CSMD1: variants seen among roughly 807,000 people sequenced by gnomAD.
CSMD1 encodes CUB and sushi domain-containing protein 1.
A neutral mutation model predicts 417.5 loss-of-function variants in CSMD1; 213 were observed. That is an observed-to-expected ratio of 0.51 (90% confidence interval 0.46 to 0.57). CSMD1 has a LOEUF of 0.57. Among genes scored for constraint, CSMD1 ranks in the 20% least tolerant of loss-of-function variants. The pLI, the probability that CSMD1 is intolerant of heterozygous loss-of-function variation, is 0.00. For missense variants in CSMD1, 6,923 were observed against 4,529.7 expected (o/e 1.53, Z -15.17); for synonymous variants, 2,862 against 1,736.8 (o/e 1.65, Z -16.11).
intron 44 of CSMD1, 121 bp from the exon 45 acceptor site, chr8:3,107,919 C>T: frequency 1.6e-6 from 1 of 623,040 alleles, no homozygotes; most frequent in South Asian, 2.1e-5. Flanking sequence ...TGAAATGTCT[C>T]TATTCCTGAA....
intron 5 of CSMD1, among the ~76,000 whole-genome samples, chr8:3,938,406 A>C (rs1810648869): frequency 6.6e-6 from 1 of 152,172 alleles, no homozygotes; most frequent in South Asian, 2.1e-4. Context: ...GCTAGTTTTG[A>C]TTTGGGCTTC....
At chr8:3,110,436 G>C (rs1168653886) in intron 42 of CSMD1, 101 bp from the exon 43 acceptor site, 1 of 967,316 alleles carries the variant, frequency 1.0e-6, no homozygotes, top group Non-Finnish European at 1.4e-6. Context: ...CATTTTTCCT[G>C]ATGGGAAATA....
chr8:3,253,389 A>C (rs1393973315), intron 26 of CSMD1, among the ~76,000 whole-genome samples: 1 of 152,124 alleles, frequency 6.6e-6, no homozygotes, highest in Non-Finnish European at 1.5e-5. Context: ...CTGTGGTCTG[A>C]GAGACAGTTT....
intron 15 of CSMD1, among the ~76,000 whole-genome samples, chr8:3,405,622 C>G (rs1230531563): frequency 6.6e-6 from 1 of 152,052 alleles, no homozygotes; most frequent in Admixed American, 6.6e-5. Flanking sequence ...GAAGGGGACC[C>G]CCAATCCAAT....
Position 3,199,873 on chromosome 8 carries a change from G to T in CSMD1, c.5099-64C>A. 3.3e-6 allele frequency: 3 copies of T among 923,020 alleles called. No homozygotes were observed. In the South Asian group the frequency reaches 4.9e-5, roughly 15 times the overall value. The allele number at this position is 923,020 out of a possible 1,614,324, so 57.2% of individuals were successfully genotyped here. A position where few individuals can be genotyped will look rare whatever the true frequency, so the allele number is the denominator to read the frequency against. On this transcript the variant is annotated intron_variant, in intron 32 of 69. Coordinates refer to ENST00000635120, the MANE Select transcript of CSMD1 (RefSeq NM_033225.6). ...GCACCGTGGGGGACGGTAGTATTTT[G>T]GAAAATGGTGATAAAGTTGAAATTT...
chr8:2,998,150 G>A lies in CSMD1; in HGVS notation c.8238C>T (p.His2746=), dbSNP rs773094908. The part of the protein sequence containing the change: ...ITCGHPGNPA[H]GFTNGSEFNL... ...TGAACTCACTGCCATTAGTGAATCC[G>A]TGGGCAGGGTTTCCAGGGTGACCAC... is the stretch of plus-strand genomic sequence containing the variant. Residue 2746 remains histidine, a synonymous_variant, in exon 54 of 70, where the codon CAC becomes CAT. Transcript: ENST00000635120. 6.2e-6 allele frequency: 10 copies of A among 1,613,890 alleles called. No individual in the cohort carries two copies. In the African/African-American group the frequency reaches 6.7e-5, roughly 11 times the overall value.
chr8:4,263,501 T>C (rs922173746), intron 3 of CSMD1, among the ~76,000 whole-genome samples: 1 of 152,326 alleles, frequency 6.6e-6, no homozygotes, highest in African/African-American at 2.4e-5. Context: ...GCTCTGTCTG[T>C]GGCAGTTAAT....
intron 6 of CSMD1, among the ~76,000 whole-genome samples, chr8:3,725,261 C>A (rs759554886): frequency 2.0e-5 from 3 of 152,106 alleles, no homozygotes; most frequent in Non-Finnish European, 4.4e-5. Flanking sequence ...TGAGAGGTAA[C>A]CAATGAGTTT....
At chr8:3,935,382 C>T (rs937588167) in intron 5 of CSMD1, among the ~76,000 whole-genome samples, 3 of 152,180 alleles carry the variant, frequency 2.0e-5, no homozygotes, top group Non-Finnish European at 4.4e-5. Context: ...TACCTAATCT[C>T]TTTGGACTTT....
intron 1 of CSMD1, among the ~76,000 whole-genome samples, chr8:4,759,116 C>T (rs992021938): frequency 6.6e-6 from 1 of 152,164 alleles, no homozygotes. Flanking sequence ...TGCATTTGGG[C>T]TGAGGGAGAA....
At chr8:3,811,302 A>C (rs1477144214) in intron 5 of CSMD1, among the ~76,000 whole-genome samples, 1 of 152,216 alleles carries the variant, frequency 6.6e-6, no homozygotes, top group Non-Finnish European at 1.5e-5. Flanking sequence ...AAAACTGCTA[A>C]CCTGCTATAA....
At chr8:3,737,770 T>C (rs921403143) in intron 6 of CSMD1, among the ~76,000 whole-genome samples, 2 of 152,182 alleles carry the variant, frequency 1.3e-5, no homozygotes, top group Admixed American at 6.5e-5. Context: ...TAAGCTCCCA[T>C]GAAATCGTCT....
At chr8:4,077,835 C>G (rs1387713292) in intron 3 of CSMD1, among the ~76,000 whole-genome samples, 3 of 152,060 alleles carry the variant, frequency 2.0e-5, no homozygotes, top group Admixed American at 2.0e-4. Flanking sequence ...ATACATAAAC[C>G]AAATTGAGCC....
chr8:3,330,096 T>C (rs528711648), intron 23 of CSMD1, among the ~76,000 whole-genome samples: 62 of 152,222 alleles, frequency 4.1e-4, no homozygotes, highest in African/African-American at 1.4e-3. Flanking sequence ...TCCTCCCAGG[T>C]CAAAGCAGGG....
At chr8:3,711,436 C>G (rs566386311) in intron 6 of CSMD1, among the ~76,000 whole-genome samples, 10 of 152,280 alleles carry the variant, frequency 6.6e-5, no homozygotes, top group African/African-American at 2.2e-4. Context: ...ATCCCAGGCT[C>G]ACAACGTCCA....
chr8:4,263,093 T>C (rs1803997161), intron 3 of CSMD1, among the ~76,000 whole-genome samples: 1 of 152,204 alleles, frequency 6.6e-6, no homozygotes. Context: ...TTAATTTTCA[T>C]TTAAAAGCAG....
chr8:3,711,063 T>TTTTCCTATAGCAAATGTTTGCTATA (rs887672772), intron 6 of CSMD1, among the ~76,000 whole-genome samples: 4 of 152,164 alleles, frequency 2.6e-5, no homozygotes, highest in Admixed American at 2.6e-4. Context: ...GTCTGAGATA[T>TTTTCCTATAGCAAATGTTTGCTATA]TTTCCTATAG....
At chr8:4,527,020 G>C (rs939507296) in intron 2 of CSMD1, among the ~76,000 whole-genome samples, 49 of 152,104 alleles carry the variant, frequency 3.2e-4, no homozygotes, top group African/African-American at 1.2e-3. Context: ...GAGCTATTGA[G>C]CTGTATAATA....
At chr8:3,583,344 G>C (rs1297867217) in intron 9 of CSMD1, among the ~76,000 whole-genome samples, 2 of 151,846 alleles carry the variant, frequency 1.3e-5, no homozygotes, top group Non-Finnish European at 2.9e-5. Context: ...GCATGGTTTT[G>C]GGGAGTGTCA....
Sources: allele counts gnomAD v4.1 joint callset (sites outside exome capture counted in the v4.1 genomes callset), GRCh38; gene constraint gnomAD v4.1.1; transcripts MANE v1.5; gene names NCBI Gene and HGNC (gene_info 2026-07-23, HGNC 2026-07-21).